Variants in CERKL observed in about 807,000 individuals in gnomAD.
CERKL encodes the protein ceramide kinase-like protein.
Under a neutral mutation model 63.4 loss-of-function variants are expected in CERKL, and 61 were observed. The ratio of observed to expected loss-of-function variants is 0.96; its 90% CI spans 0.78 to 1.19. The LOEUF (loss-of-function observed/expected upper bound fraction) is 1.19, where lower values mean the gene tolerates loss of function less well. CERKL is among the 50% of genes most tolerant of loss of function. CERKL has a pLI of 0.00. For synonymous variants in CERKL, 250 were observed against 230.5 expected (o/e 1.08, Z -0.77); for missense variants, 675 against 655.5 (o/e 1.03, Z -0.33).
At chr2:181,632,688 T>G (rs1390304275) in intron 1 of CERKL, among the ~76,000 whole-genome samples, 1 of 152,188 alleles carries the variant, frequency 6.6e-6, no homozygotes, top group Non-Finnish European at 1.5e-5. Context: ...TTTTAAACTT[T>G]AAATGTTACT....
At chr2:181,630,658 AAACC>A (rs1686916853) in intron 1 of CERKL, among the ~76,000 whole-genome samples, 1 of 152,204 alleles carries the variant, frequency 6.6e-6, no homozygotes, top group African/African-American at 2.4e-5. Context: ...CCCTCTTCAG[AAACC>A]AACCCCAATG....
At chr2:181,559,252 G>T (rs1027356658) in intron 4 of CERKL, among the ~76,000 whole-genome samples, 2 of 151,942 alleles carry the variant, frequency 1.3e-5, no homozygotes, top group African/African-American at 4.8e-5. Flanking sequence ...TTGCTATACG[G>T]TGCTTCTAGA....
intron 2 of CERKL, among the ~76,000 whole-genome samples, chr2:181,583,243 T>G (rs904316943): frequency 1.3e-4 from 20 of 152,026 alleles, no homozygotes; most frequent in African/African-American, 4.3e-4. Flanking sequence ...ATGATCAATG[T>G]GTGTTAAAAC....
intron 1 of CERKL, among the ~76,000 whole-genome samples, chr2:181,604,547 G>A (rs1223876661): frequency 3.9e-5 from 6 of 152,086 alleles, no homozygotes; most frequent in Admixed American, 6.6e-5. Context: ...TACAACATTC[G>A]ACATCTGAGG....
At chr2:181,538,386 A>G (rs988402031) in intron 12 of CERKL, 142 bp from the exon 13 acceptor site, 52 of 614,872 alleles carry the variant, frequency 8.5e-5, no homozygotes, top group Non-Finnish European at 1.0e-4. Flanking sequence ...TAGAAAACTG[A>G]GAAGGTCTGA....
rs937465348 is a variant in CERKL at position 181,579,122 on chromosome 2, G to A, written c.482-5238C>T. Among the ~76,000 whole-genome samples, 5 of 151,906 alleles carry A rather than the reference G, an allele frequency of 3.3e-5. No individual in the cohort carries two copies. In the East Asian group the frequency reaches 5.8e-4, roughly 18 times the overall value. ...TCTAACTTTTCTTCAAATTCCTCAC[G>A]TGTAATACAGAAATAATGGTACTTT... On this transcript the variant is annotated intron_variant, in intron 2 of 12. Coordinates refer to ENST00000410087, the MANE Select transcript of CERKL (RefSeq NM_201548.5).
rs777426571 is a variant in CERKL, at chr2:181,657,057, G to A, written c.-51C>T. On this transcript the variant is annotated 5_prime_UTR_variant, in exon 1 of 13. Transcript: ENST00000410087. ...CCAGGGGTCCGGGGAGGCCTTTGGA[G>A]AAGGAGGTGGAGGGCGCGGCAGCCC... 1.7e-4 allele frequency: 253 copies of A among 1,493,104 alleles called. No homozygotes were observed. In the Middle Eastern group the frequency reaches 3.2e-3, roughly 19 times the overall value. The allele number at this position is 1,493,104 out of a possible 1,614,324, so 92.5% of individuals were successfully genotyped here. A position where few individuals can be genotyped will look rare whatever the true frequency, so the allele number is the denominator to read the frequency against.
chr2:181,605,880 T>C (rs144807935), intron 1 of CERKL, among the ~76,000 whole-genome samples: 86 of 152,136 alleles, frequency 5.7e-4, no homozygotes, highest in Admixed American at 9.8e-4. Context: ...TATCCTCCGA[T>C]TGGAGTGAGG....
intron 2 of CERKL, among the ~76,000 whole-genome samples, chr2:181,598,865 T>A (rs1312663658): frequency 7.2e-6 from 1 of 139,264 alleles, no homozygotes; most frequent in African/African-American, 3.0e-5. Context: ...AGTCATACCC[T>A]CAAGGGGAAA....
At chr2:181,620,899 T>C (rs1686420233) in intron 1 of CERKL, among the ~76,000 whole-genome samples, 1 of 152,194 alleles carries the variant, frequency 6.6e-6, no homozygotes, top group South Asian at 2.1e-4. Context: ...TATTTATTCA[T>C]ATGATGAGTA....
chr2:181,598,272 G>A lies in CERKL; in HGVS notation c.481+5565C>T, dbSNP rs542931954. Among the ~76,000 whole-genome samples the A allele has an allele frequency of 2.0e-5, 3 of 152,278 alleles. No individual in the cohort carries two copies. The East Asian group carries it at 5.8e-4, about 29-fold the overall frequency. On this transcript the variant is annotated intron_variant, in intron 2 of 12. Transcript: ENST00000410087. ...TTGTCTGCCCTAGACTGGGGGAAGA[G>A]GCTCTGCCCCAAGACCATTTTGGTG... is the stretch of plus-strand genomic sequence containing the variant.
chr2:181,542,450 T>A (rs923766388), intron 11 of CERKL, among the ~76,000 whole-genome samples: 2 of 152,202 alleles, frequency 1.3e-5, no homozygotes, highest in Non-Finnish European at 2.9e-5. Context: ...GATCTGATTT[T>A]CATAATCTTA....
chr2:181,628,396 G>A (rs1048241976), intron 1 of CERKL, among the ~76,000 whole-genome samples: 2 of 152,172 alleles, frequency 1.3e-5, no homozygotes, highest in African/African-American at 2.4e-5. Flanking sequence ...AGAAAGTACT[G>A]TTTTAATACA....
chr2:181,558,664 T>G lies in CERKL; in HGVS notation c.722A>C (p.His241Pro), dbSNP rs1688309818. 1 of 1,613,694 alleles carries G rather than the reference T, an allele frequency of 6.2e-7. No homozygotes were observed. The highest frequency in any genetic ancestry group is 2.2e-5 in the East Asian group (1 of 44,826). The change falls in exon 5 of 13, where the codon CAT becomes CCT. Residue 241 changes from histidine (H) to proline (P), a missense_variant. His to Pro is a moderately conservative substitution (Grantham distance 77). Coordinates refer to ENST00000410087, the MANE Select transcript of CERKL (RefSeq NM_201548.5). This position sits in a 1 kb window ranked among gnomAD's most constrained non-coding sequence, Gnocchi z 4.2. ...GGDGSASEVA[H>P]ALLLRAQKNA... Reference sequence around the variant, plus strand: ...CTTCTGAGCTCTCAGAAGCAAAGCATGGGCTACTTCGCTAGCAGATCCATC... The same window carrying G: ...CTTCTGAGCTCTCAGAAGCAAAGCAGGGGCTACTTCGCTAGCAGATCCATC...
chr2:181,548,350 AGAAG>A (rs1222600180), intron 8 of CERKL, 191 bp downstream of exon 8: 19 of 593,158 alleles, frequency 3.2e-5, no homozygotes, highest in Non-Finnish European at 5.3e-5. Context: ...AAGGGAGGAA[AGAAG>A]GAAGGAAAAA....
intron 2 of CERKL, among the ~76,000 whole-genome samples, chr2:181,581,466 A>G (rs944698078): frequency 6.6e-6 from 1 of 152,232 alleles, no homozygotes; most frequent in Admixed American, 6.5e-5. Context: ...CAACAGGAAC[A>G]TGGTAAGACC....
chr2:181,564,487 C>T (rs992493921), intron 4 of CERKL, among the ~76,000 whole-genome samples: 1 of 152,034 alleles, frequency 6.6e-6, no homozygotes, highest in Non-Finnish European at 1.5e-5. Flanking sequence ...AATAACAACA[C>T]CTGCCATGAA....
At chr2:181,583,352 A>G (rs780908454) in intron 2 of CERKL, among the ~76,000 whole-genome samples, 30 of 152,220 alleles carry the variant, frequency 2.0e-4, no homozygotes, top group Non-Finnish European at 4.0e-4. Flanking sequence ...ATTACAATAG[A>G]AGGATCAGGC....
In CERKL at chr2:181,606,507, GGA is replaced by G. The variant is rs1197702896; in HGVS notation, c.239-2430_239-2429del. ...GAGGGTAGGGGAGACGAGGGGGAGGGGAGGGGGGAGGAGAGGGTAGGGGAGAG... is the reference window on the plus strand; with the variant it reads ...GAGGGTAGGGGAGACGAGGGGGAGGGGGGGGGAGGAGAGGGTAGGGGAGAG... On this transcript the variant is annotated intron_variant, in intron 1 of 12. Transcript: ENST00000410087. Among the ~76,000 whole-genome samples, 33 of 27,768 alleles carry G rather than the reference GGA, an allele frequency of 1.2e-3. 2 individuals are homozygous for G. The highest frequency in any genetic ancestry group is 6.3e-3 in the East Asian group (3 of 476). 18.2% of individuals were successfully genotyped at this position (27,768 alleles called of 152,430 possible).
Sources: allele counts gnomAD v4.1 joint callset (sites outside exome capture counted in the v4.1 genomes callset), GRCh38; gene constraint gnomAD v4.1.1; non-coding constraint Gnocchi (gnomAD v3.1); transcripts MANE v1.5; gene names NCBI Gene and HGNC (gene_info 2026-07-23, HGNC 2026-07-21).